Variants in NAALADL2 observed in about 807,000 individuals in gnomAD.
NAALADL2 encodes inactive N-acetylated-alpha-linked acidic dipeptidase-like protein 2.
NAALADL2 carries 76 observed loss-of-function variants against 87.2 expected under a neutral mutation model. The observed-to-expected ratio is 0.87, with a 90% confidence interval of 0.72 to 1.05. The LOEUF (loss-of-function observed/expected upper bound fraction) is 1.05, where lower values mean the gene tolerates loss of function less well. NAALADL2 is among the 50% of genes least tolerant of loss of function. The probability of loss-of-function intolerance (pLI) is 0.00; values close to 1 mark genes in which losing one functional copy is unlikely to be tolerated. For missense variants in NAALADL2, 1,089 were observed against 945.8 expected (o/e 1.15, Z -1.99); for synonymous variants, 354 against 331.0 (o/e 1.07, Z -0.75).
chr3:175,619,369 T>G (rs145823836), intron 10 of NAALADL2, among the ~76,000 whole-genome samples: 2 of 151,658 alleles, frequency 1.3e-5, no homozygotes, highest in Admixed American at 1.3e-4. Context: ...ATTGGGGACC[T>G]GCACTAACAA....
chr3:175,145,684 T>G (rs1360826639), intron 2 of NAALADL2, among the ~76,000 whole-genome samples: 3 of 64,840 alleles, frequency 4.6e-5, no homozygotes, highest in African/African-American at 1.8e-4. Context: ...CTTCTGTGTA[T>G]TTTTTTTTAC....
intron 3 of NAALADL2, among the ~76,000 whole-genome samples, chr3:175,236,127 G>A (rs1383471230): frequency 6.6e-6 from 1 of 152,072 alleles, no homozygotes; most frequent in Non-Finnish European, 1.5e-5. Context: ...ACTGGATCTG[G>A]AAAATTAAAT....
intron 2 of NAALADL2, among the ~76,000 whole-genome samples, chr3:175,199,318 T>A (rs2109121510): frequency 6.6e-6 from 1 of 152,270 alleles, no homozygotes; most frequent in East Asian, 1.9e-4. Flanking sequence ...GCAGGTTATA[T>A]TCACAGTATC....
chr3:174,541,730 A>G (rs769978972), intron 1 of NAALADL2, among the ~76,000 whole-genome samples: 1 of 152,256 alleles, frequency 6.6e-6, no homozygotes, highest in African/African-American at 2.4e-5. Flanking sequence ...GCAGTAAAAA[A>G]TAAAATAGGC....
At chr3:174,734,927 GA>G (rs1733051855) in intron 2 of NAALADL2, among the ~76,000 whole-genome samples, 1 of 152,044 alleles carries the variant, frequency 6.6e-6, no homozygotes, top group African/African-American at 2.4e-5. Flanking sequence ...GTGAAAAACT[GA>G]GGAGGAAGGA....
At chr3:175,176,617 G>A (rs1735728370) in intron 2 of NAALADL2, among the ~76,000 whole-genome samples, 1 of 152,104 alleles carries the variant, frequency 6.6e-6, no homozygotes, top group Non-Finnish European at 1.5e-5. Flanking sequence ...GCCTCTCTCT[G>A]ACTCTTTGCC....
chr3:175,500,590 T>C (rs62287078), intron 9 of NAALADL2, among the ~76,000 whole-genome samples: 32,210 of 151,974 alleles, frequency 0.21, 3,967 homozygotes, highest in African/African-American at 0.34. Flanking sequence ...AAAAGCCCTG[T>C]GCTCTAGCAT....
chr3:175,661,560 C>A (rs1732259262), intron 11 of NAALADL2, among the ~76,000 whole-genome samples: 1 of 138,420 alleles, frequency 7.2e-6, no homozygotes, highest in Non-Finnish European at 1.5e-5. Flanking sequence ...CTTTTGAGTT[C>A]TTTCTAAAAA....
intron 7 of NAALADL2, among the ~76,000 whole-genome samples, chr3:175,464,343 G>A (rs992958684): frequency 6.6e-6 from 1 of 151,050 alleles, no homozygotes; most frequent in Non-Finnish European, 1.5e-5. Context: ...AGAATCGCTT[G>A]AATCTGGGAG....
intron 9 of NAALADL2, among the ~76,000 whole-genome samples, chr3:175,541,075 G>A (rs1434291264): frequency 6.6e-6 from 1 of 152,176 alleles, no homozygotes; most frequent in Non-Finnish European, 1.5e-5. Context: ...CAGAAATAAA[G>A]CTTGTGCTAA....
intron 5 of NAALADL2, among the ~76,000 whole-genome samples, chr3:175,377,394 T>TA (rs921491154): frequency 1.2e-4 from 19 of 152,212 alleles, no homozygotes; most frequent in Non-Finnish European, 2.6e-4. Flanking sequence ...CAGTTTTTTT[T>TA]AATTGTTGTT....
intron 13 of NAALADL2, among the ~76,000 whole-genome samples, chr3:175,766,945 A>G (rs1295945069): frequency 6.6e-6 from 1 of 152,154 alleles, no homozygotes; most frequent in African/African-American, 2.4e-5. Flanking sequence ...TAGCATATTG[A>G]GATGAAACAC....
intron 1 of NAALADL2, among the ~76,000 whole-genome samples, chr3:174,994,423 T>C (rs1747154145): frequency 6.6e-6 from 1 of 152,326 alleles, no homozygotes; most frequent in Non-Finnish European, 1.5e-5. Context: ...ACACTTTAAA[T>C]ATAGCAAACA....
At chr3:175,212,746 G>A (rs1279732473) in intron 2 of NAALADL2, among the ~76,000 whole-genome samples, 1 of 152,068 alleles carries the variant, frequency 6.6e-6, no homozygotes, top group Non-Finnish European at 1.5e-5. Context: ...CCAGAAATGA[G>A]CAGCTCTAAA....
At chr3:175,459,159 A>G (rs1219217346) in intron 6 of NAALADL2, among the ~76,000 whole-genome samples, 1 of 152,138 alleles carries the variant, frequency 6.6e-6, no homozygotes, top group East Asian at 1.9e-4. Context: ...AAGTTACCAT[A>G]TTGGAACACA....
intron 1 of NAALADL2, among the ~76,000 whole-genome samples, chr3:174,875,658 TC>T (rs1306017738): frequency 6.6e-6 from 1 of 152,052 alleles, no homozygotes; most frequent in African/African-American, 2.4e-5. Context: ...TATCTTATTT[TC>T]TAAGAAAGAA....
chr3:174,482,001 G>A (rs1222697500), intron 1 of NAALADL2, among the ~76,000 whole-genome samples: 1 of 151,976 alleles, frequency 6.6e-6, no homozygotes, highest in Non-Finnish European at 1.5e-5. Flanking sequence ...GAGTTATTAG[G>A]GAATGGGGGA....
chr3:174,757,137 T>G (rs1247015037), intron 3 of NAALADL2, among the ~76,000 whole-genome samples: 4 of 152,248 alleles, frequency 2.6e-5, no homozygotes, highest in Non-Finnish European at 5.9e-5. Flanking sequence ...ATATTGTTGT[T>G]AGTTAGCATC....
chr3:174,552,795 CAAA>C (rs1164243901), intron 2 of NAALADL2, among the ~76,000 whole-genome samples: 303 of 55,952 alleles, frequency 5.4e-3, no homozygotes, highest in African/African-American at 8.4e-3. Flanking sequence ...GACCCTGCCT[CAAA>C]AAAAAAAAAA....
Sources: allele counts gnomAD v4.1 joint callset (sites outside exome capture counted in the v4.1 genomes callset), GRCh38; gene constraint gnomAD v4.1.1; transcripts MANE v1.5; gene names NCBI Gene and HGNC (gene_info 2026-07-23, HGNC 2026-07-21).